The following KLHL1 variants were observed in gnomAD, a reference collection of about 807,000 sequenced individuals.
The protein encoded by KLHL1 is kelch like family member 1.
KLHL1 carries 47 observed loss-of-function variants against 77.7 expected under a neutral mutation model. The observed-to-expected ratio is 0.60, with a 90% confidence interval of 0.48 to 0.77. The LOEUF is 0.77. Ranked by LOEUF, KLHL1 falls within the 30% of genes least tolerant of loss-of-function variation. The probability of loss-of-function intolerance (pLI) is 0.00; values close to 1 mark genes in which losing one functional copy is unlikely to be tolerated. For missense variants in KLHL1, 925 were observed against 910.8 expected (o/e 1.02, Z -0.20); for synonymous variants, 360 against 325.2 (o/e 1.11, Z -1.15).
intron 1 of KLHL1, among the ~76,000 whole-genome samples, chr13:70,104,334 A>G (rs1467787423): frequency 2.0e-5 from 3 of 152,112 alleles, no homozygotes; most frequent in Non-Finnish European, 4.4e-5. Flanking sequence ...TAAGGTAAGA[A>G]AAAGGTTGGG....
At chr13:69,779,112 ATTC>A (rs771007667) in intron 7 of KLHL1, among the ~76,000 whole-genome samples, 1 of 151,916 alleles carries the variant, frequency 6.6e-6, no homozygotes, top group Non-Finnish European at 1.5e-5. Flanking sequence ...ATTCTTTCTT[ATTC>A]TTCTTTTCCG....
chr13:69,765,173 A>G (rs1875235106), intron 7 of KLHL1, among the ~76,000 whole-genome samples: 1 of 151,380 alleles, frequency 6.6e-6, no homozygotes, highest in South Asian at 2.1e-4. Context: ...AATGGTCTTG[A>G]ACTCCTGGTC....
At chr13:69,784,452 G>C (rs1876403670) in intron 7 of KLHL1, among the ~76,000 whole-genome samples, 1 of 152,148 alleles carries the variant, frequency 6.6e-6, no homozygotes, top group Non-Finnish European at 1.5e-5. Context: ...CTCATGTGCA[G>C]AGACACACAT....
intron 1 of KLHL1, among the ~76,000 whole-genome samples, chr13:70,044,912 T>C (rs1886459074): frequency 6.6e-6 from 1 of 152,182 alleles, no homozygotes; most frequent in African/African-American, 2.4e-5. Context: ...CTGGGCTCTG[T>C]TTCCAGTATT....
Position 70,107,444 on chromosome 13 carries a change from A to T in KLHL1, c.256T>A (p.Ser86Thr). 6.2e-7 allele frequency: 1 copy of T among 1,614,098 alleles called. No homozygotes were observed. The highest frequency in any genetic ancestry group is 8.5e-7 in the Non-Finnish European group (1 of 1,179,990). Reference protein sequence around the residue: ...SSSSSSPSSSSSSFNPLNGTL... With the variant: ...SSSSSSPSSSTSSFNPLNGTL... ...CCATTCAGCGGATTGAAGGAAGAGG[A>T]GGAAGAGGACGGGGAGGACGATGAA... The change falls in exon 1 of 11, where the codon TCC (serine) becomes ACC (threonine). Residue 86 changes from serine to threonine, a missense_variant. Coordinates refer to ENST00000377844, the MANE Select transcript of KLHL1 (RefSeq NM_020866.3).
At chr13:69,820,260 A>T (rs1346568646) in intron 6 of KLHL1, among the ~76,000 whole-genome samples, 2 of 152,222 alleles carry the variant, frequency 1.3e-5, no homozygotes, top group African/African-American at 4.8e-5. Flanking sequence ...AAGTAACACC[A>T]GTCCCCCATA....
At chr13:70,010,232 T>C (rs1380448714) in intron 1 of KLHL1, among the ~76,000 whole-genome samples, 1 of 152,126 alleles carries the variant, frequency 6.6e-6, no homozygotes, top group Non-Finnish European at 1.5e-5. Flanking sequence ...TAACAGATTG[T>C]TTTAGAAGTA....
intron 7 of KLHL1, among the ~76,000 whole-genome samples, chr13:69,750,501 C>T (rs1024687885): frequency 1.3e-5 from 2 of 151,530 alleles, no homozygotes; most frequent in Middle Eastern, 6.3e-3. Flanking sequence ...ATTAAATATA[C>T]ATGTATGTGT....
intron 1 of KLHL1, among the ~76,000 whole-genome samples, chr13:70,101,955 A>C (rs1022818132): frequency 3.3e-5 from 5 of 152,044 alleles, no homozygotes; most frequent in Non-Finnish European, 7.4e-5. Context: ...AGTAGCAAAA[A>C]AAAAAAAACA....
chr13:70,033,108 C>A (rs1168464520), intron 1 of KLHL1, among the ~76,000 whole-genome samples: 1 of 152,050 alleles, frequency 6.6e-6, no homozygotes, highest in Non-Finnish European at 1.5e-5. Flanking sequence ...ATAAAAATTT[C>A]TTCTGAATGG....
chr13:70,069,680 TGAA>T (rs746489138), intron 1 of KLHL1, among the ~76,000 whole-genome samples: 10 of 152,086 alleles, frequency 6.6e-5, no homozygotes, highest in Middle Eastern at 3.2e-3. Flanking sequence ...GTAAAAGAAA[TGAA>T]GATTTCCTTT....
At chr13:69,835,467 C>G (rs2138102029) in intron 6 of KLHL1, among the ~76,000 whole-genome samples, 1 of 152,214 alleles carries the variant, frequency 6.6e-6, no homozygotes, top group South Asian at 2.1e-4. Flanking sequence ...TCTGGAGCAT[C>G]TGCCTTGGGC....
intron 5 of KLHL1, among the ~76,000 whole-genome samples, chr13:69,843,688 A>T (rs1273278173): frequency 6.6e-6 from 1 of 151,816 alleles, no homozygotes. Flanking sequence ...AAAATGATTT[A>T]GGATGGCCAA....
intron 4 of KLHL1, among the ~76,000 whole-genome samples, chr13:69,922,697 T>C (rs1882683403): frequency 6.6e-6 from 1 of 152,154 alleles, no homozygotes; most frequent in South Asian, 2.1e-4. Flanking sequence ...ACAGATATAT[T>C]TGGTAAATAT....
intron 1 of KLHL1, among the ~76,000 whole-genome samples, chr13:70,099,933 A>C (rs568542461): frequency 4.9e-4 from 75 of 151,932 alleles, no homozygotes; most frequent in Non-Finnish European, 8.5e-4. Context: ...CACTATCTTG[A>C]TTAATGTAGC....
At chr13:70,034,564 GA>G (rs1886192592) in intron 1 of KLHL1, among the ~76,000 whole-genome samples, 1 of 152,096 alleles carries the variant, frequency 6.6e-6, no homozygotes, top group African/African-American at 2.4e-5. Flanking sequence ...GCAGGACTGA[GA>G]AAAAAGTTCT....
intron 3 of KLHL1, among the ~76,000 whole-genome samples, chr13:69,961,071 T>A (rs1475967134): frequency 6.6e-6 from 1 of 152,010 alleles, no homozygotes; most frequent in East Asian, 1.9e-4. Flanking sequence ...GTTCTACTAT[T>A]TACATATTTA....
chr13:69,927,367 A>G (rs1448473393), intron 4 of KLHL1, among the ~76,000 whole-genome samples: 1 of 152,206 alleles, frequency 6.6e-6, no homozygotes, highest in African/African-American at 2.4e-5. Context: ...TAACTGTAAC[A>G]CCAAAAGCAC....
chr13:69,876,894 G>T (rs565652175), intron 5 of KLHL1, among the ~76,000 whole-genome samples: 1 of 152,000 alleles, frequency 6.6e-6, no homozygotes, highest in Admixed American at 6.6e-5. Flanking sequence ...AAAATTAGCC[G>T]TGCGTGGTGG....
Sources: gnomAD v4.1 joint callset for allele counts (sites outside exome capture counted in the v4.1 genomes callset) on GRCh38, gnomAD v4.1.1 for gene constraint, MANE v1.5 for transcripts, NCBI Gene and HGNC (gene_info 2026-07-23, HGNC 2026-07-21) for gene names.